VPS13C: variants seen among roughly 807,000 people sequenced by gnomAD.
VPS13C encodes the protein vacuolar protein sorting 13 homolog C.
VPS13C carries 358 observed loss-of-function variants against 456.8 expected under a neutral mutation model. That is an observed-to-expected ratio of 0.78 (90% CI 0.72 to 0.86). The LOEUF (loss-of-function observed/expected upper bound fraction) is 0.86. VPS13C is among the 40% of genes least tolerant of loss of function. The probability of loss-of-function intolerance (pLI) is 0.00; values close to 1 mark genes in which losing one functional copy is unlikely to be tolerated. For synonymous variants in VPS13C, 1,578 were observed against 1,486.7 expected, an observed-to-expected ratio of 1.06 and a Z score of -1.41; for missense variants, 4,818 against 4,385.4, an observed-to-expected ratio of 1.10 and a Z score of -2.79.
At chr15:61,950,314 T>A in intron 41 of VPS13C, 44 bp downstream of exon 41, 2 of 1,431,334 alleles carry the variant, frequency 1.4e-6, no homozygotes, top group Non-Finnish European at 2.0e-6. Flanking sequence ...AAGCTAGATA[T>A]AATCAACACA....
intron 6 of VPS13C, among the ~76,000 whole-genome samples, chr15:62,027,853 A>G (rs1596498762): frequency 6.6e-6 from 1 of 152,196 alleles, no homozygotes; most frequent in Non-Finnish European, 1.5e-5. Context: ...TATGCTGTAC[A>G]GGACAGTAGT....
rs191631294 is a variant in VPS13C at position 62,019,022 on chromosome 15, G to T, written c.684+1457C>A. 7.9e-5 allele frequency among the ~76,000 whole-genome samples: 12 copies of T among 152,276 alleles called. No individual in the cohort carries two copies. In the East Asian group the frequency reaches 2.3e-3, roughly 29 times the overall value. ...CTTCCTGGTTTAGTCTTGGGAGGGT[G>T]TATGTGTCGAGGAATTTGTCCATTT... On this transcript the variant is annotated intron_variant, in intron 9 of 84. Transcript: ENST00000644861.
At position 62,017,571 on chromosome 15, in the gene VPS13C, G is replaced by C. The variant is rs542956333; in HGVS notation, c.684+2908C>G. Among the ~76,000 whole-genome samples the C allele has an allele frequency of 2.0e-5, 3 of 152,212 alleles. No individual in the cohort carries two copies. In the South Asian group the frequency reaches 6.2e-4, roughly 32 times the overall value. On this transcript the variant is annotated intron_variant, in intron 9 of 84. Coordinates refer to ENST00000644861, the MANE Select transcript of VPS13C (RefSeq NM_020821.3). ...CTTTCCCCATTGCTTGTTTTCGTCA[G>C]GTTTGTCAAAGATCAGATAGTTGTA... is the stretch of plus-strand genomic sequence containing the variant.
At position 61,950,948 on chromosome 15, in the gene VPS13C, T is replaced by C. The variant is rs766726121; in HGVS notation, c.4533A>G (p.Thr1511=). ...TCCTAGAAATGAAACTAGTTACCTT[T>C]GTCAGTAACATTTTCAGAAGGGGTT... ...TDEPLLKMLL[T]KADSDGPEFK... The change falls in exon 40 of 85, where the codon ACA becomes ACG. Residue 1511 remains threonine (T), a synonymous_variant. Transcript: ENST00000644861. 1 of 1,592,756 alleles carries C rather than the reference T, an allele frequency of 6.3e-7. No homozygotes were observed. The highest frequency in any genetic ancestry group is 8.6e-7 in the Non-Finnish European group (1 of 1,167,990).
At chr15:61,872,480 G>C (rs7166555) in intron 78 of VPS13C, among the ~76,000 whole-genome samples, 1 of 152,018 alleles carries the variant, frequency 6.6e-6, no homozygotes, top group Non-Finnish European at 1.5e-5. Context: ...GGCCCTCCCA[G>C]GGACAGGTAA....
chr15:62,041,683 G>A (rs1596523341), intron 2 of VPS13C, among the ~76,000 whole-genome samples: 1 of 151,992 alleles, frequency 6.6e-6, no homozygotes, highest in African/African-American at 2.4e-5. Flanking sequence ...AGCCTGGTGT[G>A]GTGGCAGGTG....
intron 15 of VPS13C, among the ~76,000 whole-genome samples, chr15:62,006,312 T>A (rs1008201397): frequency 1.3e-5 from 2 of 151,992 alleles, no homozygotes; most frequent in African/African-American, 2.4e-5. Context: ...TGTCCATGTG[T>A]TCTCATTGTT....
intron 1 of VPS13C, among the ~76,000 whole-genome samples, 164 bp downstream of exon 1, chr15:62,060,111 C>G (rs1178047182): frequency 2.0e-5 from 3 of 152,130 alleles, no homozygotes; most frequent in Admixed American, 6.5e-5. Context: ...ACTGGGACCC[C>G]GAGAATCCGC....
intron 82 of VPS13C, chr15:61,856,876 C>G (rs924403605): frequency 6.4e-6 from 1 of 156,356 alleles, no homozygotes; most frequent in African/African-American, 2.4e-5. Context: ...CAGTCAAGAA[C>G]GAACGTGAAG....
At chr15:62,013,831 A>G in intron 10 of VPS13C, 102 bp downstream of exon 10, 1 of 840,456 alleles carries the variant, frequency 1.2e-6, no homozygotes, top group East Asian at 2.5e-5. Flanking sequence ...TAGACTTTTA[A>G]CTCACACTCC....
At chr15:62,052,631 C>A (rs2048660593) in intron 1 of VPS13C, among the ~76,000 whole-genome samples, 1 of 145,060 alleles carries the variant, frequency 6.9e-6, no homozygotes, top group Non-Finnish European at 1.5e-5. Context: ...CGAGATTGTG[C>A]CACTGCACTC....
chr15:61,906,482 T>C (rs2043154802), intron 66 of VPS13C, among the ~76,000 whole-genome samples: 2 of 152,188 alleles, frequency 1.3e-5, no homozygotes, highest in South Asian at 4.1e-4. Context: ...ACATGCTACT[T>C]ACTGGGAGCT....
At chr15:61,905,012 T>C (rs1000610827) in intron 66 of VPS13C, among the ~76,000 whole-genome samples, 1 of 152,048 alleles carries the variant, frequency 6.6e-6, no homozygotes, top group Non-Finnish European at 1.5e-5. Flanking sequence ...AGAAGTTGGT[T>C]AATGGGTACA....
chr15:62,047,204 T>C (rs550075420), intron 1 of VPS13C, among the ~76,000 whole-genome samples: 70 of 151,672 alleles, frequency 4.6e-4, no homozygotes, highest in Non-Finnish European at 9.7e-4. Flanking sequence ...GGCAGGTGGA[T>C]CACAAGTTCA....
chr15:61,883,060 T>C (rs1895992178), intron 68 of VPS13C, among the ~76,000 whole-genome samples: 1 of 152,034 alleles, frequency 6.6e-6, no homozygotes, highest in African/African-American at 2.4e-5. Context: ...TGAAACGGCA[T>C]CTTGCTGTCA....
intron 1 of VPS13C, among the ~76,000 whole-genome samples, chr15:62,049,358 G>A (rs1169235487): frequency 6.6e-6 from 1 of 152,136 alleles, no homozygotes; most frequent in East Asian, 1.9e-4. Flanking sequence ...TATTACATAG[G>A]GAATCCTTTC....
chr15:62,016,606 A>AT (rs1324084386), intron 9 of VPS13C, among the ~76,000 whole-genome samples: 2 of 151,698 alleles, frequency 1.3e-5, no homozygotes, highest in African/African-American at 4.8e-5. Context: ...TGAACTCATC[A>AT]TTTTTTATGG....
At chr15:61,984,444 T>C (rs1005976333) in intron 19 of VPS13C, among the ~76,000 whole-genome samples, 1 of 152,232 alleles carries the variant, frequency 6.6e-6, no homozygotes, top group African/African-American at 2.4e-5. Flanking sequence ...TAAGCTCGTG[T>C]AGCATTAACT....
intron 1 of VPS13C, among the ~76,000 whole-genome samples, chr15:62,044,509 A>G (rs1009944902): frequency 7.9e-5 from 12 of 152,170 alleles, no homozygotes; most frequent in African/African-American, 2.9e-4. Flanking sequence ...TAAACAAACA[A>G]TGGGAAAGAA....
Sources: gnomAD v4.1 joint callset for allele counts (sites outside exome capture counted in the v4.1 genomes callset) on GRCh38, gnomAD v4.1.1 for gene constraint, MANE v1.5 for transcripts, NCBI Gene and HGNC (gene_info 2026-07-23, HGNC 2026-07-21) for gene names.